The following NBAS variants were observed in gnomAD, a reference collection of about 807,000 sequenced individuals.
NBAS encodes the protein NAG/BC035112 fusion.
Under a neutral mutation model 302.5 loss-of-function variants are expected in NBAS, and 219 were observed. The observed-to-expected ratio is 0.72, with a 90% confidence interval of 0.65 to 0.81. NBAS has a LOEUF of 0.81. NBAS is among the 30% of genes least tolerant of loss of function. The pLI is 0.00. For missense variants in NBAS, 2,932 were observed against 2,841.6 expected, an observed-to-expected ratio of 1.03 and a Z score of -0.72; for synonymous variants, 1,118 against 1,021.6, an observed-to-expected ratio of 1.09 and a Z score of -1.80.
the NBAS span, among the ~76,000 whole-genome samples, chr2:14,822,040 A>C: frequency 1.4e-5 from 2 of 146,666 alleles, no homozygotes; most frequent in Non-Finnish European, 1.5e-5. Context: ...CTCAACAATG[A>C]AAAAAAAAAT....
At chr2:15,235,634 G>T (rs1396821750) in intron 45 of NBAS, among the ~76,000 whole-genome samples, 2 of 152,106 alleles carry the variant, frequency 1.3e-5, no homozygotes. Flanking sequence ...TGTTATAGTG[G>T]TTATTTTAAA....
chr2:15,013,753 C>T, the NBAS span, among the ~76,000 whole-genome samples: 4 of 152,076 alleles, frequency 2.6e-5, no homozygotes, highest in African/African-American at 9.7e-5. Context: ...CACTGCACAC[C>T]CTGCCTGGGT....
the NBAS span, among the ~76,000 whole-genome samples, chr2:14,808,563 G>A: frequency 7.9e-5 from 12 of 152,274 alleles, no homozygotes; most frequent in East Asian, 1.5e-3. Context: ...GATGTAAGAC[G>A]TGACTTACTC....
At chr2:14,790,759 C>G in the NBAS span, among the ~76,000 whole-genome samples, 93 of 150,882 alleles carry the variant, frequency 6.2e-4, no homozygotes, top group African/African-American at 2.2e-3. Context: ...TCAAGCAATT[C>G]TCCTGCCCCA....
rs543573897 is a variant in NBAS at position 15,438,336 on chromosome 2, A to G, written c.2340-10542T>C. Among the ~76,000 whole-genome samples, 36 of 152,338 alleles carry G rather than the reference A, an allele frequency of 2.4e-4. No homozygotes were observed. In the South Asian group the frequency reaches 7.2e-3, roughly 31 times the overall value. Reference sequence around the variant, plus strand: ...AAGACAGAATAGGCTCCATGACAACAGGGATAAGAACTCAACTAATGAGAT... The same window carrying G: ...AAGACAGAATAGGCTCCATGACAACGGGGATAAGAACTCAACTAATGAGAT... On this transcript the variant is annotated intron_variant, in intron 21 of 51. Transcript: ENST00000281513.
chr2:15,446,182 C>G (rs1678731728), intron 21 of NBAS, among the ~76,000 whole-genome samples: 2 of 151,866 alleles, frequency 1.3e-5, no homozygotes, highest in Non-Finnish European at 2.9e-5. Context: ...TGGTGAAACT[C>G]TGAAGTCCAT....
intron 40 of NBAS, among the ~76,000 whole-genome samples, chr2:15,307,402 A>G (rs1185305058): frequency 6.6e-6 from 1 of 152,174 alleles, no homozygotes; most frequent in Non-Finnish European, 1.5e-5. Flanking sequence ...TTACTCAGGG[A>G]AAACAGGAAA....
chr2:15,474,669 T>C (rs1680111777), intron 14 of NBAS, among the ~76,000 whole-genome samples: 1 of 152,104 alleles, frequency 6.6e-6, no homozygotes. Context: ...CAGACGATTC[T>C]CCTGCCTCAG....
chr2:15,011,494 C>T, the NBAS span, among the ~76,000 whole-genome samples: 1 of 152,178 alleles, frequency 6.6e-6, no homozygotes, highest in African/African-American at 2.4e-5. Flanking sequence ...CATGGGCCAT[C>T]CCTGATAGGC....
chr2:14,911,830 T>C, the NBAS span, among the ~76,000 whole-genome samples: 1 of 152,202 alleles, frequency 6.6e-6, no homozygotes, highest in African/African-American at 2.4e-5. Flanking sequence ...TAACCTCAGT[T>C]TCCCCACCTG....
At chr2:14,964,260 A>AATT in the NBAS span, among the ~76,000 whole-genome samples, 1 of 152,216 alleles carries the variant, frequency 6.6e-6, no homozygotes, top group Non-Finnish European at 1.5e-5. Flanking sequence ...ACATTAAAAC[A>AATT]ATTATTATTA....
chr2:15,066,600 T>A, the NBAS span, among the ~76,000 whole-genome samples: 76,942 of 151,622 alleles, frequency 0.51, 21,749 homozygotes, highest in Non-Finnish European at 0.62. Context: ...AGCACGTTTT[T>A]AAAAAATCGA....
chr2:14,900,112 C>CTTT, the NBAS span, among the ~76,000 whole-genome samples: 17 of 140,628 alleles, frequency 1.2e-4, 2 homozygotes, highest in Non-Finnish European at 1.5e-4. Context: ...AAGTCACATG[C>CTTT]TTTTTTTTTT....
the NBAS span, among the ~76,000 whole-genome samples, chr2:14,914,606 T>C: frequency 0.016 from 2,391 of 152,298 alleles, 28 homozygotes; most frequent in Non-Finnish European, 0.024. Context: ...AACTTGTGAC[T>C]AGGTCATTCC....
intron 40 of NBAS, among the ~76,000 whole-genome samples, chr2:15,294,665 G>T (rs1165417749): frequency 6.6e-6 from 1 of 152,146 alleles, no homozygotes; most frequent in Non-Finnish European, 1.5e-5. Context: ...GCCGTGGCCT[G>T]CTGCTCTTAT....
chr2:15,438,069 A>G (rs949875525), intron 21 of NBAS, among the ~76,000 whole-genome samples: 1 of 152,258 alleles, frequency 6.6e-6, no homozygotes, highest in Non-Finnish European at 1.5e-5. Context: ...CTGGCTCAAT[A>G]CATTGCAGCT....
the NBAS span, among the ~76,000 whole-genome samples, chr2:15,034,015 GAA>G: frequency 8.0e-3 from 407 of 50,796 alleles, 10 homozygotes; most frequent in African/African-American, 0.018. Context: ...AGAAGAAGAA[GAA>G]GAAGAAGAAG....
At chr2:14,803,366 G>A in the NBAS span, among the ~76,000 whole-genome samples, 15 of 152,226 alleles carry the variant, frequency 9.9e-5, no homozygotes, top group Admixed American at 8.5e-4. Context: ...GCTGGTCTCT[G>A]GGGCTCTCTC....
intron 13 of NBAS, among the ~76,000 whole-genome samples, chr2:15,477,091 G>C (rs1680225214): frequency 6.6e-6 from 1 of 152,146 alleles, no homozygotes; most frequent in Admixed American, 6.5e-5. Flanking sequence ...GAAAGAAAGA[G>C]GAGCAAATCA....
Sources: allele counts gnomAD v4.1 joint callset (sites outside exome capture counted in the v4.1 genomes callset), GRCh38; gene constraint gnomAD v4.1.1; transcripts MANE v1.5; gene names NCBI Gene and HGNC (gene_info 2026-07-23, HGNC 2026-07-21).